JPT1: variants seen among roughly 807,000 people sequenced by gnomAD.
The protein encoded by JPT1 is androgen-regulated protein 2.
Under a neutral mutation model 17.0 loss-of-function variants are expected in JPT1, and 5 were observed. The observed-to-expected ratio is 0.29, with a 90% confidence interval of 0.15 to 0.62. The LOEUF (loss-of-function observed/expected upper bound fraction) is 0.62. Ranked by LOEUF, JPT1 falls within the 20% of genes least tolerant of loss-of-function variation. The pLI, the probability that JPT1 is intolerant of heterozygous loss-of-function variation, is 0.85. For missense variants in JPT1, 158 were observed against 188.1 expected, an observed-to-expected ratio of 0.84 and a Z score of 0.94; for synonymous variants, 71 against 73.6, an observed-to-expected ratio of 0.96 and a Z score of 0.18.
Position 75,154,367 on chromosome 17 carries a change from C to G in JPT1, c.31G>C (p.Asp11His). The change falls in exon 1 of 5, where the codon GAC becomes CAC. Residue 11 changes from aspartate to histidine, a missense_variant. Transcript: ENST00000409753. Reference sequence around the variant, plus strand: ...CGGGAGCTATTCCTGCTGTTGGGGTCGACTCCCTTGAAGGTGGTGGTTGTG... The same window carrying G: ...CGGGAGCTATTCCTGCTGTTGGGGTGGACTCCCTTGAAGGTGGTGGTTGTG... MTTTTTFKGV[D>H]PNSRNSSRVL... 1 of 1,548,936 alleles carries G rather than the reference C, an allele frequency of 6.5e-7. No individual in the cohort carries two copies. The highest frequency in any genetic ancestry group is 8.7e-7 in the Non-Finnish European group (1 of 1,146,100).
rs868574735 is a variant in JPT1 at position 75,142,627 on chromosome 17, G to T, written c.316+4039C>A. On this transcript the variant is annotated intron_variant, in intron 4 of 4. Coordinates refer to ENST00000409753, the MANE Select transcript of JPT1 (RefSeq NM_016185.4). ...GGGAAGGGGGAGAGAGGAGGGGAGG[G>T]AGGGGAGGGAGGGGAGGGGGGGATG... is the stretch of plus-strand genomic sequence containing the variant. The T allele has an allele frequency of 6.7e-5, 17 of 253,580 alleles. No homozygotes were observed. The East Asian group carries it at 2.3e-3, about 34-fold the overall frequency. The allele number at this position is 253,580 out of a possible 1,614,324, so 15.7% of individuals were successfully genotyped here.
rs547469404 is a variant in JPT1, at chr17:75,151,272, C to CCTA, written c.57-2604_57-2602dup. On this transcript the variant is annotated intron_variant, in intron 1 of 4. Coordinates refer to ENST00000409753, the MANE Select transcript of JPT1 (RefSeq NM_016185.4). ...CGCTTGAACCCTGTAGGAGGCGGAG[C>CCTA]CTACAGTAAGCTAAGATCACACCAC... Among the ~76,000 whole-genome samples the CCTA allele has an allele frequency of 4.7e-3, 718 of 151,974 alleles. 2 individuals are homozygous for CCTA. The highest frequency in any genetic ancestry group is 8.3e-3 in the Non-Finnish European group (566 of 67,972).
In JPT1 at chr17:75,136,193, G is replaced by A; in HGVS notation, c.374C>T (p.Pro125Leu). 4.3e-6 allele frequency: 7 copies of A among 1,613,680 alleles called. No homozygotes were observed. Among genetic ancestry groups the A allele is most frequent in the Non-Finnish European group, 5.9e-6 (7 of 1,179,740 alleles). ...SLGQSEEKPVPAAPVPSPVAP... is the reference protein window; with the variant it reads ...SLGQSEEKPVLAAPVPSPVAP... ...CACCGGGCTGGGCACAGGCGCAGCAGGCACGGGCTTCTCTTCACTCTGCCC... is the reference window on the plus strand; with the variant it reads ...CACCGGGCTGGGCACAGGCGCAGCAAGCACGGGCTTCTCTTCACTCTGCCC... The change falls in exon 5 of 5, where the codon CCT becomes CTT. Residue 125 changes from proline (P) to leucine (L), a missense_variant. By Grantham distance (98) the Pro-to-Leu change is moderately conservative. Coordinates refer to ENST00000409753, the MANE Select transcript of JPT1 (RefSeq NM_016185.4).
Position 75,136,091 on chromosome 17 carries a change from G to A in JPT1, c.*11C>T. ...AAACAGACAGAACGACAGCGTTCAG[G>A]ACAGTCAGAGCTAACCCAAGACGAG... On this transcript the variant is annotated 3_prime_UTR_variant, in exon 5 of 5. Coordinates refer to ENST00000409753, the MANE Select transcript of JPT1 (RefSeq NM_016185.4). 6.2e-7 allele frequency: 1 copy of A among 1,614,218 alleles called. No homozygotes were observed.
intron 4 of JPT1, among the ~76,000 whole-genome samples, chr17:75,138,091 G>T (rs955326098): frequency 2.6e-5 from 4 of 152,020 alleles, no homozygotes; most frequent in Non-Finnish European, 5.9e-5. Context: ...CAAGTAAGTA[G>T]CTGGGATTAT....
Position 75,154,334 on chromosome 17 carries a change from C to A in JPT1, c.56+8G>T. ...CCGCGCGGCTCGGGCGCGACCCGGTCGCCTCACCGGGAGCTATTCCTGCTG... is the reference window on the plus strand; with the variant it reads ...CCGCGCGGCTCGGGCGCGACCCGGTAGCCTCACCGGGAGCTATTCCTGCTG... On this transcript the variant is annotated splice_region_variant and intron_variant, in intron 1 of 4. Coordinates refer to ENST00000409753, the MANE Select transcript of JPT1 (RefSeq NM_016185.4). 1 of 1,542,628 alleles carries A rather than the reference C, an allele frequency of 6.5e-7. No individual in the cohort carries two copies. The highest frequency in any genetic ancestry group is 8.7e-7 in the Non-Finnish European group (1 of 1,144,074).
At chr17:75,143,574 A>G (rs1036643453) in intron 4 of JPT1, among the ~76,000 whole-genome samples, 4 of 151,834 alleles carry the variant, frequency 2.6e-5, no homozygotes, top group African/African-American at 9.7e-5. Flanking sequence ...GGTGGCTTAC[A>G]CCCATAATCT....
intron 3 of JPT1, 44 bp from the exon 4 acceptor site, chr17:75,146,728 T>C: frequency 8.1e-7 from 1 of 1,238,346 alleles, no homozygotes; most frequent in Non-Finnish European, 1.2e-6. Flanking sequence ...TATTTTAATT[T>C]TGGAACACGC....
At chr17:75,142,942 A>G (rs1598196352) in intron 4 of JPT1, among the ~76,000 whole-genome samples, 1 of 152,174 alleles carries the variant, frequency 6.6e-6, no homozygotes, top group Non-Finnish European at 1.5e-5. Context: ...GGTAACTCCC[A>G]TAGCCCTTAA....
At chr17:75,153,534 G>A (rs1442441225) in intron 1 of JPT1, 1 of 152,310 alleles carries the variant, frequency 6.6e-6, no homozygotes, top group East Asian at 1.9e-4. Context: ...AGGATGCAAA[G>A]GCCACGGTCC....
chr17:75,146,345 G>C (rs890018180), intron 4 of JPT1: 1 of 231,302 alleles, frequency 4.3e-6, no homozygotes, highest in Non-Finnish European at 8.5e-6. Context: ...ATAGAGACAG[G>C]GTTTCACCAT....
intron 1 of JPT1, 72 bp downstream of exon 1, chr17:75,154,270 C>G (rs2074599986): frequency 8.0e-7 from 1 of 1,257,102 alleles, no homozygotes; most frequent in Non-Finnish European, 1.1e-6. Flanking sequence ...ACGACCGGCG[C>G]GAGGCCCCGC....
At chr17:75,137,049 G>A (rs954943988) in intron 4 of JPT1, among the ~76,000 whole-genome samples, 16 of 151,862 alleles carry the variant, frequency 1.1e-4, no homozygotes, top group East Asian at 1.9e-4. Context: ...GTAGTAATTC[G>A]CCTTGCTTAT....
At chr17:75,149,375 ATTTT>A (rs111459050) in intron 1 of JPT1, among the ~76,000 whole-genome samples, 2 of 150,304 alleles carry the variant, frequency 1.3e-5, no homozygotes, top group Non-Finnish European at 3.0e-5. Context: ...AAGTAAATAA[ATTTT>A]TTTTTTGAGA....
intron 1 of JPT1, among the ~76,000 whole-genome samples, chr17:75,150,847 C>CTTTTTTTTTTTT (rs59267123): frequency 1.1e-4 from 7 of 65,950 alleles, no homozygotes; most frequent in Admixed American, 2.0e-4. Flanking sequence ...ATTTTTCTTT[C>CTTTTTTTTTTTT]TTTTTTTTTT....
intron 1 of JPT1, among the ~76,000 whole-genome samples, chr17:75,151,308 C>T (rs1048159391): frequency 6.6e-6 from 1 of 151,776 alleles, no homozygotes; most frequent in Admixed American, 6.6e-5. Context: ...TGCACTCTAG[C>T]CTGGGCAAAA....
At chr17:75,142,038 C>CA (rs1052554346) in intron 4 of JPT1, among the ~76,000 whole-genome samples, 2 of 152,064 alleles carry the variant, frequency 1.3e-5, no homozygotes, top group Non-Finnish European at 2.9e-5. Context: ...CACTGCACTC[C>CA]AGCCTGGGTG....
chr17:75,151,023 CTTTTA>C lies in JPT1; in HGVS notation c.57-2357_57-2353del, dbSNP rs10593769. Reference sequence around the variant, plus strand: ...CGCCCGCCGGAACGCCCGGCTAACTCTTTTATTTTTAGTAGAGACGGGGTTTCACC... The same window carrying C: ...CGCCCGCCGGAACGCCCGGCTAACTCTTTTTAGTAGAGACGGGGTTTCACC... On this transcript the variant is annotated intron_variant, in intron 1 of 4. Coordinates refer to ENST00000409753, the MANE Select transcript of JPT1 (RefSeq NM_016185.4). Among the ~76,000 whole-genome samples the C allele has an allele frequency of 7.8e-3, 1,182 of 151,560 alleles. 20 individuals carry two copies. The highest frequency in any genetic ancestry group is 0.027 in the African/African-American group (1,110 of 41,368).
At position 75,140,278 on chromosome 17, in the gene JPT1, A is replaced by T. The variant is rs147474023; in HGVS notation, c.317-4028T>A. ...AGCTTTTGTCTGCTGAAGATAATTT[A>T]AAAAAAAAAAGGGCTTTAAATGAAA... On this transcript the variant is annotated intron_variant, in intron 4 of 4. Transcript: ENST00000409753. Among the ~76,000 whole-genome samples, 1,058 of 131,652 alleles carry T rather than the reference A, an allele frequency of 8.0e-3. 10 individuals are homozygous for T. Among genetic ancestry groups the T allele is most frequent in the African/African-American group, 0.025 (946 of 38,308 alleles). 86.4% of individuals were successfully genotyped at this position (131,652 alleles called of 152,430 possible).
Sources: gnomAD v4.1 joint callset for allele counts (sites outside exome capture counted in the v4.1 genomes callset) on GRCh38, gnomAD v4.1.1 for gene constraint, MANE v1.5 for transcripts, NCBI Gene and HGNC (gene_info 2026-07-23, HGNC 2026-07-21) for gene names.